Variants in SPATA9 observed in about 807,000 individuals in gnomAD.
The protein encoded by SPATA9 is spermatogenesis-associated protein 9.
Under a neutral mutation model 25.5 loss-of-function variants are expected in SPATA9, and 27 were observed. The ratio of observed to expected loss-of-function variants is 1.06; its 90% confidence interval spans 0.78 to 1.46. The LOEUF (loss-of-function observed/expected upper bound fraction) is 1.46. Ranked by LOEUF, SPATA9 falls within the 40% of genes most tolerant of loss-of-function variation. The pLI, the probability that SPATA9 is intolerant of heterozygous loss-of-function variation, is 0.00. For synonymous variants in SPATA9, 102 were observed against 105.7 expected, an observed-to-expected ratio of 0.97 and a Z score of 0.21; for missense variants, 282 against 297.5, an observed-to-expected ratio of 0.95 and a Z score of 0.38.
upstream of SPATA9, among the ~76,000 whole-genome samples, chr5:95,687,851 T>A (rs999310873): frequency 1.3e-5 from 2 of 152,232 alleles, no homozygotes; most frequent in African/African-American, 2.4e-5. Flanking sequence ...ATCTTTGTTT[T>A]GTTCGAGGGT....
intron 3 of SPATA9, among the ~76,000 whole-genome samples, chr5:95,670,064 G>A (rs981572685): frequency 2.6e-5 from 4 of 152,124 alleles, no homozygotes; most frequent in African/African-American, 4.8e-5. Flanking sequence ...CATTAGAATC[G>A]CTTTAGGCCA....
At chr5:95,731,139 G>T in the SPATA9 span, 1 of 1,017,290 alleles carries the variant, frequency 9.8e-7, no homozygotes, top group African/African-American at 1.7e-5. Context: ...TATATTCCGC[G>T]GCGCCCCGCG....
upstream of SPATA9, among the ~76,000 whole-genome samples, chr5:95,700,416 C>T (rs186074404): frequency 7.9e-5 from 12 of 152,244 alleles, no homozygotes; most frequent in African/African-American, 2.4e-4. Flanking sequence ...TCTCCTGCCT[C>T]AGCCTCCAGA....
chr5:95,658,919 C>A lies in SPATA9; in HGVS notation c.475-6G>T. On this transcript the variant is annotated splice_region_variant and splice_polypyrimidine_tract_variant and intron_variant, in intron 4 of 4. Coordinates refer to ENST00000274432, the MANE Select transcript of SPATA9 (RefSeq NM_031952.4). Reference sequence around the variant, plus strand: ...ACAGCATTAACACAGACTGCCTATACAATAAAAAGAGTTTGTAAAGTGAAG... The same window carrying A: ...ACAGCATTAACACAGACTGCCTATAAAATAAAAAGAGTTTGTAAAGTGAAG... 1.3e-6 allele frequency: 2 copies of A among 1,579,872 alleles called. No individual in the cohort carries two copies. The highest frequency in any genetic ancestry group is 1.7e-6 in the Non-Finnish European group (2 of 1,167,056).
At chr5:95,698,247 C>T (rs1042257958) in intron 1 of SPATA9, among the ~76,000 whole-genome samples, 2 of 151,940 alleles carry the variant, frequency 1.3e-5, no homozygotes, top group Non-Finnish European at 2.9e-5. Flanking sequence ...GAGGAGGAAA[C>T]GTGGGAGAGG....
the SPATA9 span, chr5:95,731,787 C>G: frequency 6.2e-7 from 1 of 1,603,864 alleles, no homozygotes; most frequent in Non-Finnish European, 8.5e-7. Flanking sequence ...GTCCCCCGCA[C>G]TTCCTGTTCC....
At chr5:95,691,181 A>G (rs1206031300) in intron 1 of SPATA9, among the ~76,000 whole-genome samples, 2 of 149,558 alleles carry the variant, frequency 1.3e-5, no homozygotes, top group African/African-American at 4.9e-5. Flanking sequence ...GTGCCACTGC[A>G]CTCCAGCCTG....
upstream of SPATA9, among the ~76,000 whole-genome samples, chr5:95,687,060 A>C (rs1191380414): frequency 2.0e-5 from 3 of 152,218 alleles, no homozygotes; most frequent in Non-Finnish European, 4.4e-5. Context: ...GTGTCCAGAA[A>C]ATAGCCAAAA....
intron 2 of SPATA9, among the ~76,000 whole-genome samples, chr5:95,679,563 A>G (rs942228749): frequency 9.9e-5 from 15 of 152,108 alleles, no homozygotes; most frequent in Non-Finnish European, 1.8e-4. Flanking sequence ...AGATTCCTAC[A>G]CTTTAGTATC....
upstream of SPATA9, among the ~76,000 whole-genome samples, chr5:95,700,210 T>C (rs896189611): frequency 1.3e-5 from 2 of 152,194 alleles, no homozygotes; most frequent in African/African-American, 2.4e-5. Flanking sequence ...AATTTCATAG[T>C]AGCTATCTAT....
At chr5:95,707,700 C>T in the SPATA9 span, among the ~76,000 whole-genome samples, 3 of 152,048 alleles carry the variant, frequency 2.0e-5, no homozygotes, top group Admixed American at 6.6e-5. Context: ...CATTCTTGGA[C>T]GTGCTGGGAG....
chr5:95,715,732 T>C, the SPATA9 span, among the ~76,000 whole-genome samples: 1 of 152,130 alleles, frequency 6.6e-6, no homozygotes, highest in Admixed American at 6.5e-5. Flanking sequence ...AAAATATTGA[T>C]AAATTTGATT....
At chr5:95,686,703 G>C (rs143011616), upstream of SPATA9, among the ~76,000 whole-genome samples, 8 of 152,148 alleles carry the variant, frequency 5.3e-5, no homozygotes, top group Non-Finnish European at 1.0e-4. Flanking sequence ...GACCCTCCTG[G>C]GGGGGTAACT....
the SPATA9 span, among the ~76,000 whole-genome samples, chr5:95,726,224 GT>G: frequency 6.6e-6 from 1 of 152,110 alleles, no homozygotes; most frequent in Non-Finnish European, 1.5e-5. Flanking sequence ...GAATGCAGTT[GT>G]TTTTTTCCAT....
chr5:95,670,770 G>A, intron 3 of SPATA9: 1 of 819,386 alleles, frequency 1.2e-6, no homozygotes, highest in Non-Finnish European at 1.5e-6. Flanking sequence ...TACCATGGAT[G>A]CACTCCATTT....
Position 95,658,620 on chromosome 5 carries a change from T to C in SPATA9, c.*3A>G. On this transcript the variant is annotated 3_prime_UTR_variant, in exon 5 of 5. Transcript: ENST00000274432. ...CTTAAGTTCTGTTCAGTGATACCTGTATTCAGATTTGCTCATTCATTTCAG... is the reference window on the plus strand; with the variant it reads ...CTTAAGTTCTGTTCAGTGATACCTGCATTCAGATTTGCTCATTCATTTCAG... 1 of 1,610,930 alleles carries C rather than the reference T, an allele frequency of 6.2e-7. No homozygotes were observed. The highest frequency in any genetic ancestry group is 8.5e-7 in the Non-Finnish European group (1 of 1,178,546).
chr5:95,660,739 A>C (rs1043759302), intron 4 of SPATA9, among the ~76,000 whole-genome samples: 2 of 152,184 alleles, frequency 1.3e-5, no homozygotes, highest in African/African-American at 4.8e-5. Context: ...CCTTTTTCCC[A>C]GTCTCAGGAA....
chr5:95,675,993 T>C (rs1752912779), intron 2 of SPATA9, among the ~76,000 whole-genome samples: 1 of 152,076 alleles, frequency 6.6e-6, no homozygotes, highest in Admixed American at 6.6e-5. Flanking sequence ...ATCTAATTTT[T>C]ATAGTTTTAG....
At chr5:95,686,817 C>T (rs1431751850), upstream of SPATA9, among the ~76,000 whole-genome samples, 1 of 152,154 alleles carries the variant, frequency 6.6e-6, no homozygotes, top group Admixed American at 6.5e-5. Context: ...GTATGTCCCT[C>T]AGAGCTATCC....
Sources: gnomAD v4.1 joint callset for allele counts (sites outside exome capture counted in the v4.1 genomes callset) on GRCh38, gnomAD v4.1.1 for gene constraint, MANE v1.5 for transcripts, NCBI Gene and HGNC (gene_info 2026-07-23, HGNC 2026-07-21) for gene names.